Variants in CORO2B observed in about 807,000 individuals in gnomAD.
CORO2B encodes the protein coronin 2B, also known as coronin-2B.
Under a neutral mutation model 58.8 loss-of-function variants are expected in CORO2B, and 26 were observed. The observed-to-expected ratio is 0.44, with a 90% CI of 0.32 to 0.61. CORO2B has a LOEUF of 0.61. CORO2B is among the 20% of genes least tolerant of loss of function. CORO2B has a pLI of 0.04. For synonymous variants in CORO2B, 242 were observed against 253.8 expected (o/e 0.95, Z 0.44); for missense variants, 460 against 645.1 (o/e 0.71, Z 3.11).
intron 1 of CORO2B, among the ~76,000 whole-genome samples, chr15:68,620,877 T>A (rs995608026): frequency 1.3e-5 from 2 of 152,034 alleles, no homozygotes; most frequent in African/African-American, 4.8e-5. Flanking sequence ...TCTGATGAAA[T>A]CCCCCAACAA....
chr15:68,569,623 C>T, the CORO2B span, among the ~76,000 whole-genome samples: 1 of 152,194 alleles, frequency 6.6e-6, no homozygotes. Flanking sequence ...TTCGTGTGGA[C>T]ATAAGATTTC....
chr15:68,575,950 C>T (rs1217476590), upstream of CORO2B, among the ~76,000 whole-genome samples: 3 of 151,404 alleles, frequency 2.0e-5, no homozygotes, highest in South Asian at 6.3e-4. Context: ...GTCAGGAGTT[C>T]GAGACCAGCC....
At chr15:68,529,433 C>T in the CORO2B span, among the ~76,000 whole-genome samples, 1 of 152,148 alleles carries the variant, frequency 6.6e-6, no homozygotes, top group African/African-American at 2.4e-5. Context: ...ATGTATATGG[C>T]TATTTAGGTT....
chr15:68,715,649 G>A (rs1231014599), intron 8 of CORO2B, among the ~76,000 whole-genome samples: 9 of 152,320 alleles, frequency 5.9e-5, no homozygotes, highest in African/African-American at 2.2e-4. Flanking sequence ...GTGGGGTCTA[G>A]GCACAAGTCC....
At chr15:68,600,888 C>G (rs1387317257) in intron 1 of CORO2B, among the ~76,000 whole-genome samples, 1 of 152,176 alleles carries the variant, frequency 6.6e-6, no homozygotes, top group Non-Finnish European at 1.5e-5. Context: ...CCAGCAATTT[C>G]CCCACAACCA....
Position 68,726,060 on chromosome 15 carries a change from C to T in CORO2B, c.*86C>T. On this transcript the variant is annotated 3_prime_UTR_variant, in exon 12 of 12. Coordinates refer to ENST00000261861, the MANE Select transcript of CORO2B (RefSeq NM_006091.5). Reference sequence around the variant, plus strand: ...TCTCCCTTACCAGTGACCCCAGAGACAGAGCCAGGACAGGAGTGGGGGCCA... The same window carrying T: ...TCTCCCTTACCAGTGACCCCAGAGATAGAGCCAGGACAGGAGTGGGGGCCA... 3.8e-6 allele frequency: 6 copies of T among 1,562,060 alleles called. No individual in the cohort carries two copies. Among genetic ancestry groups the T allele is most frequent in the Admixed American group, 3.7e-5 (2 of 54,758 alleles).
chr15:68,658,238 G>A (rs1361036431), intron 2 of CORO2B, among the ~76,000 whole-genome samples: 1 of 152,240 alleles, frequency 6.6e-6, no homozygotes, highest in East Asian at 1.9e-4. Context: ...TGGGTCGGTA[G>A]GAGCCCTGGA....
chr15:68,580,104 C>A (rs1312904723), intron 1 of CORO2B, among the ~76,000 whole-genome samples: 1 of 152,216 alleles, frequency 6.6e-6, no homozygotes, highest in Non-Finnish European at 1.5e-5. Context: ...GGGGAGGGGT[C>A]CACTTTGGGC....
At chr15:68,597,820 C>G (rs940795795) in intron 1 of CORO2B, among the ~76,000 whole-genome samples, 2 of 152,118 alleles carry the variant, frequency 1.3e-5, no homozygotes, top group African/African-American at 4.8e-5. Flanking sequence ...ACCCATTGCT[C>G]TTGGCTGGTG....
At chr15:68,618,825 TA>T (rs1900439766) in intron 1 of CORO2B, among the ~76,000 whole-genome samples, 1 of 152,188 alleles carries the variant, frequency 6.6e-6, no homozygotes, top group African/African-American at 2.4e-5. Context: ...CATGTGCCCC[TA>T]AAAATACTTT....
At chr15:68,696,249 CAAA>C (rs77017896) in intron 3 of CORO2B, among the ~76,000 whole-genome samples, 6 of 102,620 alleles carry the variant, frequency 5.8e-5, no homozygotes, top group African/African-American at 1.1e-4. Flanking sequence ...GCCACTGTCT[CAAA>C]AAAAAAAAAA....
chr15:68,538,595 C>A, the CORO2B span, among the ~76,000 whole-genome samples: 2 of 152,228 alleles, frequency 1.3e-5, no homozygotes, highest in African/African-American at 4.8e-5. Context: ...ATTGTCCCAG[C>A]TGATTTGGCC....
intron 1 of CORO2B, among the ~76,000 whole-genome samples, chr15:68,603,877 G>A (rs987528756): frequency 4.6e-5 from 7 of 152,162 alleles, no homozygotes; most frequent in Non-Finnish European, 1.0e-4. Context: ...ATACATAGGG[G>A]ATGCTGGATC....
chr15:68,671,087 C>T (rs1328661674), intron 2 of CORO2B, among the ~76,000 whole-genome samples: 4 of 152,128 alleles, frequency 2.6e-5, no homozygotes, highest in Admixed American at 2.6e-4. Flanking sequence ...TATTGTAGTA[C>T]AGCCACACTG....
chr15:68,613,506 G>C (rs1294681322), intron 1 of CORO2B, among the ~76,000 whole-genome samples: 1 of 152,140 alleles, frequency 6.6e-6, no homozygotes. Flanking sequence ...CAGTCCCCTG[G>C]TGGCTGGCAA....
intron 1 of CORO2B, among the ~76,000 whole-genome samples, chr15:68,644,383 T>C (rs578074462): frequency 1.3e-5 from 2 of 152,318 alleles, no homozygotes; most frequent in Admixed American, 1.3e-4. Context: ...ATAAATGACA[T>C]AGGAAGATCA....
chr15:68,585,209 G>C (rs1007475261), intron 1 of CORO2B, among the ~76,000 whole-genome samples: 25 of 152,142 alleles, frequency 1.6e-4, no homozygotes. Flanking sequence ...TCTATTTAGG[G>C]ACGGATAAAC....
At chr15:68,722,876 T>C (rs1893196165) in intron 11 of CORO2B, among the ~76,000 whole-genome samples, 1 of 152,148 alleles carries the variant, frequency 6.6e-6, no homozygotes, top group South Asian at 2.1e-4. Flanking sequence ...AAGACCAGCC[T>C]GACCAACATG....
intron 1 of CORO2B, among the ~76,000 whole-genome samples, chr15:68,592,764 CTG>C (rs1379980233): frequency 4.6e-5 from 7 of 152,136 alleles, no homozygotes. Flanking sequence ...GTATTCTGGT[CTG>C]TGTACTGTCA....
Sources: gnomAD v4.1 joint callset for allele counts (sites outside exome capture counted in the v4.1 genomes callset) on GRCh38, gnomAD v4.1.1 for gene constraint, MANE v1.5 for transcripts, NCBI Gene and HGNC (gene_info 2026-07-23, HGNC 2026-07-21) for gene names.